Variants in MICU3 observed in about 807,000 individuals in gnomAD.
MICU3 encodes calcium uptake protein 3, mitochondrial.
A neutral mutation model predicts 66.5 loss-of-function variants in MICU3; 62 were observed. That is an observed-to-expected ratio of 0.93 (90% CI 0.76 to 1.15). The LOEUF (loss-of-function observed/expected upper bound fraction) is 1.15, where lower values mean the gene tolerates loss of function less well. Among genes scored for constraint, MICU3 ranks in the 50% most tolerant of loss-of-function variants. MICU3 has a pLI of 0.00. For synonymous variants in MICU3, 308 were observed against 240.7 expected, an observed-to-expected ratio of 1.28 and a Z score of -2.59; for missense variants, 779 against 664.4, an observed-to-expected ratio of 1.17 and a Z score of -1.90.
Position 17,076,425 on chromosome 8 carries a change from C to T in MICU3, c.568-1358C>T, listed in dbSNP as rs571358977. ...AACATCCCAGTTTCTCATTACAATT[C>T]GGACCTGAATTATTCTGTGCCATTC... is the stretch of plus-strand genomic sequence containing the variant. On this transcript the variant is annotated intron_variant, in intron 3 of 14. Coordinates refer to ENST00000318063, the MANE Select transcript of MICU3 (RefSeq NM_181723.3). Among the ~76,000 whole-genome samples, 5 of 152,236 alleles carry T rather than the reference C, an allele frequency of 3.3e-5. No homozygotes were observed. In the East Asian group the frequency reaches 5.8e-4, roughly 18 times the overall value.
downstream of MICU3, among the ~76,000 whole-genome samples, chr8:17,123,294 C>G (rs1803308192): frequency 6.6e-6 from 1 of 151,902 alleles, no homozygotes; most frequent in Non-Finnish European, 1.5e-5. Flanking sequence ...AGGAATATAC[C>G]TATAATTGTG....
chr8:17,084,584 C>T (rs923876922), intron 5 of MICU3, among the ~76,000 whole-genome samples: 2 of 151,992 alleles, frequency 1.3e-5, no homozygotes, highest in Non-Finnish European at 2.9e-5. Context: ...TTTCTTCTGT[C>T]CAAGTTTTCT....
intron 3 of MICU3, among the ~76,000 whole-genome samples, chr8:17,071,361 A>G (rs1819561462): frequency 6.6e-6 from 1 of 152,158 alleles, no homozygotes; most frequent in Non-Finnish European, 1.5e-5. Flanking sequence ...TTAGGTAGCA[A>G]TCTTCTTCCT....
Position 17,031,262 on chromosome 8 carries a change from TTTA to T in MICU3, c.381+3641_381+3643del, listed in dbSNP as rs60712856. Among the ~76,000 whole-genome samples, 1,123 of 139,170 alleles carry T rather than the reference TTTA, an allele frequency of 8.1e-3. 11 individuals carry two copies. The highest frequency in any genetic ancestry group is 0.034 in the East Asian group (160 of 4,766). 91.3% of individuals were successfully genotyped at this position (139,170 alleles called of 152,430 possible). On this transcript the variant is annotated intron_variant, in intron 1 of 14. Coordinates refer to ENST00000318063, the MANE Select transcript of MICU3 (RefSeq NM_181723.3). ...ATTTTAAACCTATGCTGCCACTTCATTTATTATTATTATTATTATTATTATTAT... is the reference window on the plus strand; with the variant it reads ...ATTTTAAACCTATGCTGCCACTTCATTTATTATTATTATTATTATTATTAT...
chr8:17,081,972 A>T (rs1821250861), intron 5 of MICU3: 1 of 318,084 alleles, frequency 3.1e-6, no homozygotes, highest in Non-Finnish European at 5.8e-6. Context: ...ATTTAATATT[A>T]CGTGTCAATT....
At chr8:17,083,463 C>G (rs1203838206) in intron 5 of MICU3, among the ~76,000 whole-genome samples, 3 of 151,964 alleles carry the variant, frequency 2.0e-5, no homozygotes, top group Non-Finnish European at 4.4e-5. Flanking sequence ...GGAAAGAGCG[C>G]TTATCATCTT....
At position 17,108,510 on chromosome 8, in the gene MICU3, C is replaced by T. The variant is rs541897823; in HGVS notation, c.1257+2926C>T. ...ATCTTCCCTGTTTCAGTTCATAGGACTTCGGTTCTTCTTAGTTCTTGTGGC... is the reference window on the plus strand; with the variant it reads ...ATCTTCCCTGTTTCAGTTCATAGGATTTCGGTTCTTCTTAGTTCTTGTGGC... On this transcript the variant is annotated intron_variant, in intron 11 of 14. Coordinates refer to ENST00000318063, the MANE Select transcript of MICU3 (RefSeq NM_181723.3). 1.4e-4 allele frequency among the ~76,000 whole-genome samples: 21 copies of T among 152,246 alleles called. No homozygotes were observed. In the East Asian group the frequency reaches 3.3e-3, roughly 24 times the overall value.
chr8:17,105,384 T>C (rs367777738), intron 10 of MICU3, 29 bp from the exon 11 acceptor site: 75 of 1,364,924 alleles, frequency 5.5e-5, no homozygotes, highest in Non-Finnish European at 7.2e-5. Flanking sequence ...TCTTTATCTT[T>C]TTCCTTCTTT....
intron 1 of MICU3, among the ~76,000 whole-genome samples, chr8:17,060,536 T>G (rs1817665440): frequency 6.6e-6 from 1 of 152,152 alleles, no homozygotes; most frequent in African/African-American, 2.4e-5. Flanking sequence ...GGTCTCGAAC[T>G]CCTGACCTCA....
At chr8:17,136,111 C>G in the MICU3 span, among the ~76,000 whole-genome samples, 4 of 151,928 alleles carry the variant, frequency 2.6e-5, no homozygotes, top group Admixed American at 2.6e-4. Context: ...AACACAACTC[C>G]TAGGGTATGT....
chr8:17,066,543 A>ATATATATTT (rs1554518403), intron 2 of MICU3, among the ~76,000 whole-genome samples: 1 of 104,914 alleles, frequency 9.5e-6, no homozygotes, highest in Non-Finnish European at 1.8e-5. Flanking sequence ...ATATATATAG[A>ATATATATTT]TTTTTTTTTT....
At chr8:17,077,428 G>A (rs1408716086) in intron 3 of MICU3, among the ~76,000 whole-genome samples, 1 of 152,112 alleles carries the variant, frequency 6.6e-6, no homozygotes, top group African/African-American at 2.4e-5. Context: ...GGAAATCCAT[G>A]TTTTTCCATG....
In MICU3 at chr8:17,121,911, A is replaced by G. The variant is rs183935746; in HGVS notation, c.*1624A>G. The G allele has an allele frequency of 1.5e-3, 224 of 151,926 alleles. 3 individuals are homozygous for G. Among genetic ancestry groups the G allele is most frequent in the Middle Eastern group, 6.8e-3 (2 of 294 alleles). The allele number at this position is 151,926 out of a possible 1,614,324, so 9.4% of individuals were successfully genotyped here. A position where few individuals can be genotyped will look rare whatever the true frequency, so the allele number is the denominator to read the frequency against. On this transcript the variant is annotated 3_prime_UTR_variant, in exon 15 of 15. Transcript: ENST00000318063. ...GAAAATGCCTACCCACTCATATAAC[A>G]TACCTCAGGTCTATTTTACCTTACA...
At chr8:17,033,673 G>A (rs544117745) in intron 1 of MICU3, among the ~76,000 whole-genome samples, 52 of 152,190 alleles carry the variant, frequency 3.4e-4, no homozygotes, top group African/African-American at 9.6e-4. Flanking sequence ...TCCTGACTTC[G>A]TGATTTGCCC....
chr8:17,099,308 ATTTG>A (rs1421477663), intron 9 of MICU3, among the ~76,000 whole-genome samples: 1 of 151,698 alleles, frequency 6.6e-6, no homozygotes, highest in Non-Finnish European at 1.5e-5. Context: ...AAATACTGAG[ATTTG>A]TTTTTCATTA....
At chr8:17,108,602 C>T (rs1409030318) in intron 11 of MICU3, among the ~76,000 whole-genome samples, 1 of 152,230 alleles carries the variant, frequency 6.6e-6, no homozygotes, top group African/African-American at 2.4e-5. Flanking sequence ...CCTATTGATA[C>T]TACCTGTATA....
chr8:17,045,991 GA>G (rs570266772), intron 1 of MICU3, among the ~76,000 whole-genome samples: 133 of 152,278 alleles, frequency 8.7e-4, no homozygotes, highest in African/African-American at 3.0e-3. Context: ...TTTGGGTGGG[GA>G]CACAGCCAAC....
intron 12 of MICU3, among the ~76,000 whole-genome samples, chr8:17,115,618 C>A (rs890670004): frequency 2.4e-4 from 36 of 152,256 alleles, no homozygotes; most frequent in Middle Eastern, 6.8e-3. Flanking sequence ...TAGTAGCCAC[C>A]AAAGTGACAA....
the MICU3 span, among the ~76,000 whole-genome samples, chr8:17,138,178 A>G: frequency 6.6e-6 from 1 of 152,152 alleles, no homozygotes; most frequent in Non-Finnish European, 1.5e-5. Context: ...ATGATGTCTG[A>G]TCTGATTTCT....
Sources: allele counts gnomAD v4.1 joint callset (sites outside exome capture counted in the v4.1 genomes callset), GRCh38; gene constraint gnomAD v4.1.1; transcripts MANE v1.5; gene names NCBI Gene and HGNC (gene_info 2026-07-23, HGNC 2026-07-21).